ST7: variants seen among roughly 807,000 people sequenced by gnomAD.
The protein encoded by ST7 is suppressor of tumorigenicity 7 protein.
Under a neutral mutation model 78.7 loss-of-function variants are expected in ST7, and 28 were observed. The observed-to-expected ratio is 0.36, with a 90% CI of 0.26 to 0.49. The LOEUF (loss-of-function observed/expected upper bound fraction) is 0.49, where lower values mean the gene tolerates loss of function less well. Ranked by LOEUF, ST7 falls within the 20% of genes least tolerant of loss-of-function variation. ST7 has a pLI of 0.99. For missense variants in ST7, 418 were observed against 696.0 expected (o/e 0.60, Z 4.49); for synonymous variants, 247 against 249.6 (o/e 0.99, Z 0.10).
intron 4 of ST7, 145 bp downstream of exon 4, chr7:117,129,992 AT>A (rs898654113): frequency 3.4e-6 from 2 of 590,670 alleles, no homozygotes; most frequent in South Asian, 2.4e-5. Context: ...AAATGTTTTG[AT>A]TTTTCTGTTT....
chr7:117,154,720 T>C (rs1806556939), intron 9 of ST7, among the ~76,000 whole-genome samples: 2 of 152,224 alleles, frequency 1.3e-5, no homozygotes, highest in African/African-American at 4.8e-5. Flanking sequence ...ACTTTAGTTG[T>C]TCCTCTATAC....
At chr7:117,050,997 A>G (rs888618246) in intron 1 of ST7, among the ~76,000 whole-genome samples, 1 of 152,190 alleles carries the variant, frequency 6.6e-6, no homozygotes, top group African/African-American at 2.4e-5. Context: ...AATTTTTGTA[A>G]ATCTCCAAAT....
intron 1 of ST7, among the ~76,000 whole-genome samples, chr7:117,071,089 G>A (rs1300867270): frequency 6.6e-6 from 1 of 151,872 alleles, no homozygotes; most frequent in African/African-American, 2.4e-5. Flanking sequence ...CGTGGTGGCG[G>A]GCGCCTGTAG....
chr7:117,083,302 T>C (rs1799920264), intron 1 of ST7, among the ~76,000 whole-genome samples: 1 of 150,918 alleles, frequency 6.6e-6, no homozygotes, highest in Non-Finnish European at 1.5e-5. Flanking sequence ...CTTGACGTCA[T>C]CCAGGCTGGA....
chr7:116,984,849 T>C (rs1384737722), intron 1 of ST7, among the ~76,000 whole-genome samples: 2 of 152,186 alleles, frequency 1.3e-5, no homozygotes, highest in Non-Finnish European at 2.9e-5. Context: ...AGACTTAATA[T>C]TTACCCTAAA....
rs139623131 is a variant in ST7 at position 117,104,793 on chromosome 7, T to A, written c.234+4949T>A. Among the ~76,000 whole-genome samples, 422 of 152,292 alleles carry A rather than the reference T, an allele frequency of 2.8e-3. 1 individual carries two copies. The highest frequency in any genetic ancestry group is 9.4e-3 in the African/African-American group (389 of 41,552). On this transcript the variant is annotated intron_variant, in intron 2 of 15. Coordinates refer to ENST00000323984, the MANE Select transcript of ST7 (RefSeq NM_001369598.1). ...AGATGAACAGAAAACTTCCCCTTCA[T>A]CCTTGAAAGGTTGACAGAAAAATTA... is the stretch of plus-strand genomic sequence containing the variant.
Position 117,229,919 on chromosome 7 carries a change from C to T in ST7, c.*62C>T. The T allele has an allele frequency of 7.4e-7, 1 of 1,356,728 alleles. No individual in the cohort carries two copies. The highest frequency in any genetic ancestry group is 1.8e-4 in the Middle Eastern group (1 of 5,612). 84.0% of individuals were successfully genotyped at this position (1,356,728 alleles called of 1,614,324 possible). A position where few individuals can be genotyped will look rare whatever the true frequency, so the allele number is the denominator to read the frequency against. ...GCCACCATCTCCTCTGTGCCAACTC[C>T]TTGTGGACCGCAAGAAAGCATGACT... On this transcript the variant is annotated 3_prime_UTR_variant, in exon 16 of 16. Coordinates refer to ENST00000323984, the MANE Select transcript of ST7 (RefSeq NM_001369598.1).
At chr7:116,989,588 C>T (rs1487752137) in intron 1 of ST7, among the ~76,000 whole-genome samples, 1 of 151,876 alleles carries the variant, frequency 6.6e-6, no homozygotes, top group Non-Finnish European at 1.5e-5. Flanking sequence ...GCTGTAATCC[C>T]AGCACTTTGG....
chr7:116,993,524 A>G (rs190585226), intron 1 of ST7, among the ~76,000 whole-genome samples: 80 of 152,336 alleles, frequency 5.3e-4, no homozygotes, highest in Admixed American at 8.5e-4. Flanking sequence ...TGGGAGTACA[A>G]TTCAAGATGA....
intron 1 of ST7, chr7:116,956,786 C>T (rs938529257): frequency 8.0e-6 from 3 of 376,146 alleles, no homozygotes; most frequent in Non-Finnish European, 1.1e-5. Flanking sequence ...ATAACAGGTG[C>T]TATGATAAGA....
intron 1 of ST7, among the ~76,000 whole-genome samples, chr7:116,986,775 A>G (rs960130433): frequency 1.3e-5 from 2 of 152,138 alleles, no homozygotes; most frequent in Admixed American, 6.6e-5. Context: ...AGAGAGAGAG[A>G]GATTTCAGAT....
At chr7:116,975,730 T>C (rs988340442) in intron 1 of ST7, among the ~76,000 whole-genome samples, 2 of 151,900 alleles carry the variant, frequency 1.3e-5, no homozygotes, top group African/African-American at 2.4e-5. Flanking sequence ...CTTTGAAATT[T>C]ATATGGATTA....
At chr7:117,074,327 G>T (rs1329593109) in intron 1 of ST7, among the ~76,000 whole-genome samples, 3 of 152,140 alleles carry the variant, frequency 2.0e-5, no homozygotes, top group African/African-American at 7.2e-5. Context: ...GGAGGCGGAG[G>T]TTGCAGTAAG....
chr7:117,141,229 A>T (rs1805267095), intron 9 of ST7, among the ~76,000 whole-genome samples: 2 of 152,194 alleles, frequency 1.3e-5, no homozygotes, highest in Non-Finnish European at 2.9e-5. Flanking sequence ...ACTTTCCTAG[A>T]GCAGATTTCA....
chr7:117,003,254 C>T (rs1795021103), intron 1 of ST7, among the ~76,000 whole-genome samples: 1 of 151,564 alleles, frequency 6.6e-6, no homozygotes, highest in South Asian at 2.1e-4. Context: ...ATCTCAGCCT[C>T]CCAAGTAGCT....
chr7:117,000,981 T>C (rs1407175516), intron 1 of ST7, among the ~76,000 whole-genome samples: 1 of 152,244 alleles, frequency 6.6e-6, no homozygotes, highest in African/African-American at 2.4e-5. Flanking sequence ...TTCTGTATTG[T>C]AGCCTATGGC....
intron 1 of ST7, among the ~76,000 whole-genome samples, chr7:116,985,865 C>T (rs1467312232): frequency 6.6e-6 from 1 of 152,186 alleles, no homozygotes; most frequent in Non-Finnish European, 1.5e-5. Flanking sequence ...CAGAGTCTCG[C>T]TCTGTTGCTG....
chr7:117,004,406 C>G (rs1795073519), intron 1 of ST7, among the ~76,000 whole-genome samples: 1 of 152,062 alleles, frequency 6.6e-6, no homozygotes, highest in African/African-American at 2.4e-5. Flanking sequence ...CGGAAATATG[C>G]TGTATATGTT....
chr7:117,173,846 G>A (rs1413044402), intron 10 of ST7, among the ~76,000 whole-genome samples: 1 of 152,088 alleles, frequency 6.6e-6, no homozygotes, highest in East Asian at 1.9e-4. Context: ...AGTATGCTGG[G>A]AACACAATGG....
Sources: allele counts gnomAD v4.1 joint callset (sites outside exome capture counted in the v4.1 genomes callset), GRCh38; gene constraint gnomAD v4.1.1; transcripts MANE v1.5; gene names NCBI Gene and HGNC (gene_info 2026-07-23, HGNC 2026-07-21).